Variants in HSF1 observed in about 807,000 individuals in gnomAD.
HSF1 encodes the protein heat shock transcription factor 1.
Under a neutral mutation model 51.7 loss-of-function variants are expected in HSF1, and 32 were observed. The ratio of observed to expected loss-of-function variants is 0.62; its 90% CI spans 0.47 to 0.83. HSF1 has a LOEUF of 0.83. Ranked by LOEUF, HSF1 falls within the 40% of genes least tolerant of loss-of-function variation. The probability of loss-of-function intolerance (pLI) is 0.00; values close to 1 mark genes in which losing one functional copy is unlikely to be tolerated. For missense variants in HSF1, 727 were observed against 717.0 expected (o/e 1.01, Z -0.16); for synonymous variants, 396 against 309.7 (o/e 1.28, Z -2.92).
intron 1 of HSF1, among the ~76,000 whole-genome samples, chr8:144,302,196 G>T (rs1420254349): frequency 6.6e-6 from 1 of 150,518 alleles, no homozygotes; most frequent in Non-Finnish European, 1.5e-5. Context: ...TGCAACTCAG[G>T]AAGACAACCA....
In HSF1 at chr8:144,314,498, C is replaced by T; in HGVS notation, c.*168C>T. On this transcript the variant is annotated 3_prime_UTR_variant, in exon 13 of 13. Transcript: ENST00000528838. ...CAGCACCTCTGGTCAGGAGGGTCACCCTGGCCTGCCAGTCTGCCTTCCCCC... is the reference window on the plus strand; with the variant it reads ...CAGCACCTCTGGTCAGGAGGGTCACTCTGGCCTGCCAGTCTGCCTTCCCCC... 1 of 626,950 alleles carries T rather than the reference C, an allele frequency of 1.6e-6. No homozygotes were observed. Among genetic ancestry groups the T allele is most frequent in the Non-Finnish European group, 2.8e-6 (1 of 358,390 alleles). 38.8% of individuals were successfully genotyped at this position (626,950 alleles called of 1,614,324 possible).
chr8:144,309,425 C>T, intron 2 of HSF1, 30 bp from the exon 3 acceptor site: 2 of 1,612,720 alleles, frequency 1.2e-6, no homozygotes, highest in Non-Finnish European at 1.7e-6. Context: ...CGCCCTGAGG[C>T]AGAGCTGCCC....
intron 9 of HSF1, chr8:144,313,053 G>A (rs1816795119): frequency 2.2e-6 from 1 of 452,874 alleles, no homozygotes; most frequent in Non-Finnish European, 4.1e-6. Context: ...TAGCCCAGGT[G>A]TGCCCTGTGG....
chr8:144,312,347 C>A, intron 9 of HSF1, 103 bp downstream of exon 9: 1 of 916,346 alleles, frequency 1.1e-6, no homozygotes, highest in Non-Finnish European at 1.6e-6. Flanking sequence ...GCTGGCGAGG[C>A]AGGACCCTAC....
rs937213171 is a variant in HSF1, at chr8:144,297,507, G to A, written c.117+5633G>A. 3.9e-5 allele frequency among the ~76,000 whole-genome samples: 6 copies of A among 152,168 alleles called. No individual in the cohort carries two copies. Among genetic ancestry groups the A allele is most frequent in the South Asian group, 2.1e-4 (1 of 4,830 alleles). On this transcript the variant is annotated intron_variant, in intron 1 of 12. Coordinates refer to ENST00000528838, the MANE Select transcript of HSF1 (RefSeq NM_005526.4). The surrounding 1 kb of genome is among the most constrained non-coding windows in gnomAD (Gnocchi z 4.6). ...AGAAGAGTGTTTATGAGAAAGGTGC[G>A]GGTGGCTCAGATGTGGACAGAACCA...
In HSF1 at chr8:144,311,074, AC is replaced by A. The variant is rs531255438; in HGVS notation, c.489-96del. 992 of 1,116,062 alleles carry A rather than the reference AC, an allele frequency of 8.9e-4. 1 individual carries two copies. The highest frequency in any genetic ancestry group is 7.1e-3 in the Middle Eastern group (27 of 3,812). The allele number at this position is 1,116,062 out of a possible 1,614,324, so 69.1% of individuals were successfully genotyped here. The stretch of plus-strand genomic sequence containing the variant: ...GGCCAGGCCAGACATGGTCACACTT[AC>A]CCCTGCTCCTGCATGGGGGACAGGG... On this transcript the variant is annotated intron_variant, in intron 4 of 12. Transcript: ENST00000528838.
chr8:144,303,703 G>T (rs1316861394), intron 1 of HSF1, among the ~76,000 whole-genome samples: 1 of 152,042 alleles, frequency 6.6e-6, no homozygotes, highest in Admixed American at 6.6e-5. Context: ...CCTGGTGAAA[G>T]CCTGTCTCTA....
rs1816223937 is a variant in HSF1 at position 144,306,275 on chromosome 8, T to G, written c.118-2631T>G. Among the ~76,000 whole-genome samples the G allele has an allele frequency of 2.6e-5, 4 of 152,018 alleles. No homozygotes were observed. In the South Asian group the frequency reaches 8.3e-4, roughly 32 times the overall value. On this transcript the variant is annotated intron_variant, in intron 1 of 12. Coordinates refer to ENST00000528838, the MANE Select transcript of HSF1 (RefSeq NM_005526.4). ...TTCTTTGGGGACAGTTTCTATTGAT[T>G]GCCTTTTTTTTTTTTTCCCGTGTAT... is the stretch of plus-strand genomic sequence containing the variant.
chr8:144,299,523 G>T (rs1381492614), intron 1 of HSF1, among the ~76,000 whole-genome samples: 1 of 152,052 alleles, frequency 6.6e-6, no homozygotes, highest in Non-Finnish European at 1.5e-5. Context: ...CACTGGAGGG[G>T]GTCCAGTAGC....
chr8:144,307,690 G>A (rs1023586760), intron 1 of HSF1, among the ~76,000 whole-genome samples: 10 of 146,982 alleles, frequency 6.8e-5, no homozygotes, highest in Non-Finnish European at 1.2e-4. Context: ...CGCTTGAACT[G>A]GGAGGCTGAG....
chr8:144,314,064 G>A lies in HSF1; in HGVS notation c.1384+10G>A, dbSNP rs1817038871. On this transcript the variant is annotated intron_variant, in intron 12 of 12. Coordinates refer to ENST00000528838, the MANE Select transcript of HSF1 (RefSeq NM_005526.4). ...AGCAGCCCGGATTCAGGTGAGCCAA[G>A]TCCCACCGGCCCCACCTCTGCCCCC... 5 of 1,606,882 alleles carry A rather than the reference G, an allele frequency of 3.1e-6. No homozygotes were observed. In the African/African-American group the frequency reaches 4.1e-5, roughly 13 times the overall value.
chr8:144,312,519 C>T, intron 9 of HSF1: 2 of 1,026,820 alleles, frequency 1.9e-6, no homozygotes, highest in Non-Finnish European at 1.5e-6. Flanking sequence ...GGCCACGGGC[C>T]CTGGCAGGTC....
chr8:144,304,308 T>C (rs1421678147), intron 1 of HSF1, among the ~76,000 whole-genome samples: 1 of 152,254 alleles, frequency 6.6e-6, no homozygotes, highest in African/African-American at 2.4e-5. Context: ...ATCTGTTATA[T>C]GCGTTTAGGA....
At position 144,311,179 on chromosome 8, in the gene HSF1, A is replaced by G; in HGVS notation, c.494A>G (p.Asn165Ser). 2 of 1,602,892 alleles carry G rather than the reference A, an allele frequency of 1.2e-6. No individual in the cohort carries two copies. Among genetic ancestry groups the G allele is most frequent in the Non-Finnish European group, 1.7e-6 (2 of 1,175,186 alleles). Residue 165 changes from asparagine (N) to serine (S), a missense_variant, in exon 5 of 13, where the codon AAT becomes AGT. Transcript: ENST00000528838. The stretch of plus-strand genomic sequence containing the variant: ...CCCAGCCTGGTCTGTTGCAGTGAGA[A>G]TGAGGCTCTGTGGCGGGAGGTGGCC... ...DSKLLAMKHE[N>S]EALWREVASL... is the part of the protein sequence containing the mutation.
Position 144,314,537 on chromosome 8 carries a change from G to A in HSF1, c.*207G>A, listed in dbSNP as rs1817097899. 5.0e-6 allele frequency: 3 copies of A among 596,452 alleles called. No homozygotes were observed. The highest frequency in any genetic ancestry group is 2.8e-5 in the East Asian group (1 of 36,006). 36.9% of individuals were successfully genotyped at this position (596,452 alleles called of 1,614,324 possible). On this transcript the variant is annotated 3_prime_UTR_variant, in exon 13 of 13. Coordinates refer to ENST00000528838, the MANE Select transcript of HSF1 (RefSeq NM_005526.4). ...CTGCCTTCCCCCAACCCCGTGTCCT[G>A]TGGTTTGGTTGGGGCTTCACAGCCA...
intron 1 of HSF1, chr8:144,293,730 AC>A (rs1815267537): frequency 6.6e-6 from 1 of 151,140 alleles, no homozygotes; most frequent in Non-Finnish European, 1.5e-5. Flanking sequence ...GAGCCACTGC[AC>A]CCAGCCCTTC....
intron 1 of HSF1, among the ~76,000 whole-genome samples, chr8:144,304,091 T>G (rs1554842857): frequency 6.6e-6 from 1 of 152,110 alleles, no homozygotes; most frequent in Non-Finnish European, 1.5e-5. Context: ...GATGTGAAAC[T>G]CTGGTGGTCT....
intron 1 of HSF1, chr8:144,293,472 G>A (rs1471636075): frequency 6.9e-6 from 1 of 145,164 alleles, no homozygotes; most frequent in Non-Finnish European, 1.5e-5. Context: ...ACCGAGTCTT[G>A]CTCTGTCACC....
intron 1 of HSF1, among the ~76,000 whole-genome samples, chr8:144,292,297 C>G (rs962973028): frequency 2.3e-4 from 35 of 152,222 alleles, no homozygotes; most frequent in African/African-American, 8.2e-4. Flanking sequence ...AGGAGAAAGT[C>G]AGGACTTGGC....
Sources: gnomAD v4.1 joint callset for allele counts (sites outside exome capture counted in the v4.1 genomes callset) on GRCh38, gnomAD v4.1.1 for gene constraint, Gnocchi (gnomAD v3.1) non-coding constraint, MANE v1.5 for transcripts, NCBI Gene and HGNC (gene_info 2026-07-23, HGNC 2026-07-21) for gene names.